EYA2: variants seen among roughly 807,000 people sequenced by gnomAD.
EYA2 encodes the protein protein phosphatase EYA2.
In EYA2, 31 loss-of-function variants were observed where a neutral mutation model predicts 69.2. The observed-to-expected ratio is 0.45, with a 90% CI of 0.34 to 0.60. EYA2 has a LOEUF of 0.60. Among genes scored for constraint, EYA2 ranks in the 20% least tolerant of loss-of-function variants. The pLI, the probability that EYA2 is intolerant of heterozygous loss-of-function variation, is 0.02. For missense variants in EYA2, 622 were observed against 701.2 expected, an observed-to-expected ratio of 0.89 and a Z score of 1.28; for synonymous variants, 257 against 279.4, an observed-to-expected ratio of 0.92 and a Z score of 0.80.
At chr20:47,180,674 T>C (rs1250325218) in intron 13 of EYA2, 141 bp from the exon 14 acceptor site, 2 of 992,092 alleles carry the variant, frequency 2.0e-6, no homozygotes, top group East Asian at 2.4e-5. Context: ...CTGAGAATCC[T>C]TGGGCCCTAA....
intron 3 of EYA2, among the ~76,000 whole-genome samples, chr20:47,004,606 G>A (rs1249714554): frequency 1.3e-5 from 2 of 152,158 alleles, no homozygotes; most frequent in Admixed American, 1.3e-4. Flanking sequence ...CTCAACCTGT[G>A]CCCTCCACAG....
intron 4 of EYA2, among the ~76,000 whole-genome samples, chr20:47,007,807 CG>C (rs1325738445): frequency 2.6e-5 from 4 of 151,370 alleles, no homozygotes; most frequent in East Asian, 3.9e-4. Flanking sequence ...TTTGTAGAGA[CG>C]GGGGGTGGGG....
At chr20:47,170,616 C>T (rs1048548340) in intron 11 of EYA2, among the ~76,000 whole-genome samples, 4 of 149,754 alleles carry the variant, frequency 2.7e-5, no homozygotes, top group African/African-American at 9.9e-5. Flanking sequence ...CACTGCACTC[C>T]AGCCTGGGGT....
In EYA2 at chr20:47,117,478, T is replaced by G. The variant is rs567831025; in HGVS notation, c.888+20310T>G. ...CTCCTCGACCGGCTCCTCTGCCCTC[T>G]CCGTTCCACCACAGTCCTCCCCGAT... On this transcript the variant is annotated intron_variant, in intron 9 of 15. Transcript: ENST00000327619. 5.1e-6 allele frequency: 5 copies of G among 985,338 alleles called. No homozygotes were observed. In the African/African-American group the frequency reaches 8.7e-5, roughly 17 times the overall value. 61.0% of individuals were successfully genotyped at this position (985,338 alleles called of 1,614,324 possible).
chr20:46,978,964 C>T (rs891352921), intron 1 of EYA2, among the ~76,000 whole-genome samples: 4 of 152,232 alleles, frequency 2.6e-5, no homozygotes, highest in African/African-American at 4.8e-5. Flanking sequence ...CTGGTGGAGG[C>T]TGTCAGAGAC....
At chr20:47,167,855 C>G (rs531296775) in intron 10 of EYA2, among the ~76,000 whole-genome samples, 2 of 152,136 alleles carry the variant, frequency 1.3e-5, no homozygotes, top group African/African-American at 2.4e-5. Context: ...TAAGAATGTG[C>G]GCATCTTTGG....
rs1413309068 is a variant in EYA2 at position 47,135,866 on chromosome 20, T to G, written c.889-7193T>G. ...ACAAACAAACAAACAAAAAACTAAT[T>G]AATTAATTAATTAGCTAGGTATGGT... On this transcript the variant is annotated intron_variant, in intron 9 of 15. Transcript: ENST00000327619. Among the ~76,000 whole-genome samples, 13 of 111,254 alleles carry G rather than the reference T, an allele frequency of 1.2e-4. No individual in the cohort carries two copies. The East Asian group carries it at 3.4e-3, about 29-fold the overall frequency. 73.0% of individuals were successfully genotyped at this position (111,254 alleles called of 152,430 possible). A position where few individuals can be genotyped will look rare whatever the true frequency, so the allele number is the denominator to read the frequency against.
intron 1 of EYA2, among the ~76,000 whole-genome samples, chr20:46,975,685 C>A (rs1201716267): frequency 6.6e-6 from 1 of 151,758 alleles, no homozygotes; most frequent in Non-Finnish European, 1.5e-5. Flanking sequence ...GAGGCTGAGG[C>A]GGGTGGATCA....
chr20:46,993,514 T>G (rs1439994383), intron 2 of EYA2, among the ~76,000 whole-genome samples: 1 of 152,200 alleles, frequency 6.6e-6, no homozygotes, highest in African/African-American at 2.4e-5. Context: ...TCTTTCCTAA[T>G]GAAAGGAACT....
intron 8 of EYA2, among the ~76,000 whole-genome samples, chr20:47,090,997 G>C (rs757794027): frequency 1.3e-5 from 2 of 152,140 alleles, no homozygotes; most frequent in African/African-American, 4.8e-5. Context: ...AGGTGTCTCG[G>C]TAGGATTGTC....
intron 1 of EYA2, among the ~76,000 whole-genome samples, chr20:46,967,820 C>T (rs1368885927): frequency 3.9e-5 from 6 of 152,206 alleles, no homozygotes; most frequent in South Asian, 4.1e-4. Flanking sequence ...AGTTACATCA[C>T]AGATCGGGAT....
chr20:46,971,493 C>T (rs143395688), intron 1 of EYA2, among the ~76,000 whole-genome samples: 411 of 152,302 alleles, frequency 2.7e-3, no homozygotes, highest in South Asian at 6.8e-3. Flanking sequence ...CTAGTGACTG[C>T]GCTTAGTCAC....
chr20:47,075,502 G>A lies in EYA2; in HGVS notation c.661+1167G>A, dbSNP rs368120814. 4.9e-4 allele frequency among the ~76,000 whole-genome samples: 74 copies of A among 152,174 alleles called. No individual in the cohort carries two copies. The South Asian group carries it at 0.013, about 27-fold the overall frequency. ...TAACCAGCACTCCTGCTATGCACTG[G>A]CCATACACAGCCAGGAACTGTGTAC... On this transcript the variant is annotated intron_variant, in intron 7 of 15. Transcript: ENST00000327619.
chr20:47,049,583 CGTCGTGTG>C, intron 5 of EYA2, among the ~76,000 whole-genome samples: 1 of 152,012 alleles, frequency 6.6e-6, no homozygotes, highest in Non-Finnish European at 1.5e-5. Flanking sequence ...TGCTCTGTCT[CGTCGTGTG>C]ACACCCCCTG....
chr20:47,119,026 CGAT>C (rs1476718570), intron 9 of EYA2, among the ~76,000 whole-genome samples: 3 of 152,126 alleles, frequency 2.0e-5, no homozygotes, highest in African/African-American at 2.4e-5. Flanking sequence ...TTGCTGCTCA[CGAT>C]GATAAGTGCT....
chr20:47,132,097 C>A (rs2033355939), intron 9 of EYA2, among the ~76,000 whole-genome samples: 1 of 152,150 alleles, frequency 6.6e-6, no homozygotes. Flanking sequence ...TGTAGGCACA[C>A]ACCACCACGC....
At chr20:46,896,616 T>C (rs1983825758) in intron 1 of EYA2, among the ~76,000 whole-genome samples, 1 of 152,232 alleles carries the variant, frequency 6.6e-6, no homozygotes, top group African/African-American at 2.4e-5. Flanking sequence ...ATAATTTATA[T>C]AACAAATAAC....
rs1383259135 is a variant in EYA2, at chr20:47,188,195, C to A, written c.*62C>A. ...CAGACCCCCTCGCCTTCCCCACCTC[C>A]CCACCGAGAACTCCAGAGACCCAGA... On this transcript the variant is annotated 3_prime_UTR_variant, in exon 16 of 16. Transcript: ENST00000327619. 1.4e-5 allele frequency: 21 copies of A among 1,477,650 alleles called. No individual in the cohort carries two copies. The highest frequency in any genetic ancestry group is 1.0e-5 in the Non-Finnish European group (11 of 1,093,780). 91.5% of individuals were successfully genotyped at this position (1,477,650 alleles called of 1,614,324 possible).
chr20:46,954,779 C>T (rs1010871895), intron 1 of EYA2, among the ~76,000 whole-genome samples: 2 of 152,172 alleles, frequency 1.3e-5, no homozygotes, highest in Admixed American at 6.5e-5. Flanking sequence ...CCCTGAGCTG[C>T]GTCCCCAGGG....
Sources: gnomAD v4.1 joint callset for allele counts (sites outside exome capture counted in the v4.1 genomes callset) on GRCh38, gnomAD v4.1.1 for gene constraint, MANE v1.5 for transcripts, NCBI Gene and HGNC (gene_info 2026-07-23, HGNC 2026-07-21) for gene names.